SPG11: variants seen among roughly 807,000 people sequenced by gnomAD.
SPG11 encodes spatacsin.
Under a neutral mutation model 274.0 loss-of-function variants are expected in SPG11, and 222 were observed. That is an observed-to-expected ratio of 0.81 (90% confidence interval 0.73 to 0.91). The LOEUF is 0.91. Among genes scored for constraint, SPG11 ranks in the 40% least tolerant of loss-of-function variants. SPG11 has a pLI of 0.00. For synonymous variants in SPG11, 1,144 were observed against 1,039.7 expected (o/e 1.10, Z -1.93); for missense variants, 3,114 against 2,872.7 (o/e 1.08, Z -1.92).
Position 44,636,026 on chromosome 15 carries a change from C to A in SPG11, c.1603-2389G>T, listed in dbSNP as rs79924837. ...TGGACTGCAAAACCCTGCCCCTAGA[C>A]CTTCTAATTCAATAGATATTGGGAG... On this transcript the variant is annotated intron_variant, in intron 7 of 39. Transcript: ENST00000261866. Among the ~76,000 whole-genome samples the A allele has an allele frequency of 7.9e-5, 12 of 152,176 alleles. No individual in the cohort carries two copies. The East Asian group carries it at 1.7e-3, about 22-fold the overall frequency.
Position 44,595,311 on chromosome 15 carries a change from A to C in SPG11, c.4583T>G (p.Leu1528Ter), listed in dbSNP as rs1456162070. ...GAGAGTTTTGCTCTTTTGTCTTGTTAATAATGTTCTCCAGATGACTGAAAG... is the reference window on the plus strand; with the variant it reads ...GAGAGTTTTGCTCTTTTGTCTTGTTCATAATGTTCTCCAGATGACTGAAAG... The part of the protein sequence containing the change: ...EDLSVIWRTL[L>*]TRQKSKTLIR... The change falls in exon 26 of 40, where the codon TTA becomes TGA. Residue 1528 changes from leucine to a stop codon, truncating the protein, a stop_gained. Coordinates refer to ENST00000261866, the MANE Select transcript of SPG11 (RefSeq NM_025137.4). LOFTEE classifies it high-confidence loss of function. 1 of 1,614,210 alleles carries C rather than the reference A, an allele frequency of 6.2e-7. No individual in the cohort carries two copies. The highest frequency in any genetic ancestry group is 1.1e-5 in the South Asian group (1 of 91,078).
chr15:44,582,452 G>A (rs1327057993), intron 30 of SPG11, among the ~76,000 whole-genome samples: 1 of 152,152 alleles, frequency 6.6e-6, no homozygotes, highest in East Asian at 1.9e-4. Flanking sequence ...GGAGGCTGAG[G>A]CAGGCGAATC....
chr15:44,605,407 T>C (rs2083293450), intron 20 of SPG11, among the ~76,000 whole-genome samples: 1 of 152,140 alleles, frequency 6.6e-6, no homozygotes. Context: ...ATGTACAAAG[T>C]ACTAATGCAA....
At chr15:44,638,505 C>T (rs988458246) in intron 7 of SPG11, among the ~76,000 whole-genome samples, 2 of 147,800 alleles carry the variant, frequency 1.4e-5, no homozygotes, top group Admixed American at 6.7e-5. Flanking sequence ...ACAAAACCCC[C>T]CCCCCCAACA....
intron 38 of SPG11, 25 bp downstream of exon 38, chr15:44,565,829 G>C (rs1321785094): frequency 6.2e-7 from 1 of 1,613,742 alleles, no homozygotes; most frequent in Non-Finnish European, 8.5e-7. Context: ...TAGCAGTGCT[G>C]GCTACAGTTT....
At chr15:44,613,603 G>T (rs2083517526) in intron 16 of SPG11, 67 bp from the exon 17 acceptor site, 1 of 1,041,676 alleles carries the variant, frequency 9.6e-7, no homozygotes, top group Non-Finnish European at 1.5e-6. Context: ...CAACCATTTT[G>T]CTCAGGCGAT....
intron 20 of SPG11, among the ~76,000 whole-genome samples, chr15:44,605,182 A>G (rs1192236885): frequency 1.3e-5 from 2 of 152,138 alleles, no homozygotes; most frequent in African/African-American, 4.8e-5. Context: ...TCTACTCTCT[A>G]GTAACTTCAC....
chr15:44,629,454 A>C, intron 8 of SPG11, 66 bp from the exon 9 acceptor site: 3 of 1,481,108 alleles, frequency 2.0e-6, no homozygotes, highest in Non-Finnish European at 1.9e-6. Flanking sequence ...TTAACATATC[A>C]AAAATATCAT....
intron 35 of SPG11, among the ~76,000 whole-genome samples, chr15:44,568,406 A>T (rs1384529448): frequency 6.6e-6 from 1 of 152,134 alleles, no homozygotes; most frequent in Non-Finnish European, 1.5e-5. Flanking sequence ...CCAATATTAA[A>T]GAGAGATTTT....
intron 27 of SPG11, among the ~76,000 whole-genome samples, chr15:44,591,565 G>A (rs1359192834): frequency 2.0e-5 from 3 of 152,236 alleles, no homozygotes; most frequent in Non-Finnish European, 4.4e-5. Context: ...GCCATAGGGA[G>A]TAATAGGCTA....
chr15:44,627,447 C>T (rs2083934296), intron 10 of SPG11, among the ~76,000 whole-genome samples: 1 of 151,960 alleles, frequency 6.6e-6, no homozygotes, highest in Non-Finnish European at 1.5e-5. Context: ...AACCCCTTCC[C>T]CTGGCAAAAG....
chr15:44,617,951 C>G (rs374959577), intron 15 of SPG11, among the ~76,000 whole-genome samples: 2 of 151,970 alleles, frequency 1.3e-5, no homozygotes, highest in African/African-American at 4.8e-5. Flanking sequence ...GCTGGGATTA[C>G]AGGTGTGAGC....
In SPG11 at chr15:44,565,981, C is replaced by CA; in HGVS notation, c.6871dup (p.Cys2291LeufsTer49). ...AGTTATCAACTTGGTGAGCCGCTGA[C>CA]AGTGCTGGGCCTGTCGCACACAGGA... On this transcript the variant is annotated frameshift_variant, in exon 38 of 40. Coordinates refer to ENST00000261866, the MANE Select transcript of SPG11 (RefSeq NM_025137.4). LOFTEE classifies it high-confidence loss of function. 6.2e-7 allele frequency: 1 copy of CA among 1,613,900 alleles called. No homozygotes were observed. The highest frequency in any genetic ancestry group is 1.1e-5 in the South Asian group (1 of 91,060).
intron 3 of SPG11, among the ~76,000 whole-genome samples, chr15:44,658,508 G>T (rs1301810130): frequency 6.6e-6 from 1 of 151,424 alleles, no homozygotes; most frequent in African/African-American, 2.4e-5. Flanking sequence ...GCCTAGGCTG[G>T]AGTGCAGTGG....
chr15:44,646,851 G>T lies in SPG11; in HGVS notation c.1602+2015C>A, dbSNP rs554146904. ...GGGTGGAGGGTAGGAGGAAGGTGAG[G>T]ATTGAAAACTGCCTATCAGGTACTA... On this transcript the variant is annotated intron_variant, in intron 7 of 39. Coordinates refer to ENST00000261866, the MANE Select transcript of SPG11 (RefSeq NM_025137.4). 1.2e-3 allele frequency among the ~76,000 whole-genome samples: 181 copies of T among 152,178 alleles called. 1 individual carries two copies. In the Middle Eastern group the frequency reaches 0.031, roughly 26 times the overall value.
At chr15:44,642,391 A>G (rs914530165) in intron 7 of SPG11, among the ~76,000 whole-genome samples, 5 of 149,514 alleles carry the variant, frequency 3.3e-5, no homozygotes, top group African/African-American at 1.2e-4. Flanking sequence ...AAAAAAAAAG[A>G]AAGAAAGGAA....
intron 26 of SPG11, among the ~76,000 whole-genome samples, chr15:44,594,193 G>A (rs1293760764): frequency 2.0e-5 from 3 of 151,706 alleles, no homozygotes; most frequent in Non-Finnish European, 2.9e-5. Flanking sequence ...TTGGGAGGCC[G>A]AGGTGGGAGG....
intron 38 of SPG11, 93 bp downstream of exon 38, chr15:44,565,761 A>G: frequency 6.6e-7 from 1 of 1,505,166 alleles, no homozygotes; most frequent in East Asian, 2.3e-5. Context: ...TGGTTCTGTC[A>G]CTAGCCCTGA....
intron 21 of SPG11, 123 bp from the exon 22 acceptor site, chr15:44,598,959 C>A: frequency 1.0e-6 from 1 of 993,958 alleles, no homozygotes; most frequent in Non-Finnish European, 1.6e-6. Context: ...CCTCCTCTCC[C>A]TTACCTTTTG....
Sources: allele counts gnomAD v4.1 joint callset (sites outside exome capture counted in the v4.1 genomes callset), GRCh38; gene constraint gnomAD v4.1.1; transcripts MANE v1.5; gene names NCBI Gene and HGNC (gene_info 2026-07-23, HGNC 2026-07-21).